The following DYNLT2 variants were observed in gnomAD, a reference collection of about 807,000 sequenced individuals.
DYNLT2 encodes the protein dynein light chain Tctex-type 2.
In DYNLT2, 24 loss-of-function variants were observed where a neutral mutation model predicts 24.3. That is an observed-to-expected ratio of 0.99 (90% CI 0.71 to 1.39). DYNLT2 has a LOEUF of 1.39. Among genes scored for constraint, DYNLT2 ranks in the 40% most tolerant of loss-of-function variants. DYNLT2 has a pLI of 0.00. For missense variants in DYNLT2, 246 were observed against 234.5 expected (o/e 1.05, Z -0.32); for synonymous variants, 85 against 85.4 (o/e 1.00, Z 0.03).
chr6:169,741,813 A>G (rs186813809), intron 3 of DYNLT2, among the ~76,000 whole-genome samples: 126 of 152,230 alleles, frequency 8.3e-4, no homozygotes, highest in Middle Eastern at 3.4e-3. Flanking sequence ...CTACTCTGTC[A>G]TATCCCTACC....
chr6:169,745,684 G>A (rs1158681409), intron 1 of DYNLT2, among the ~76,000 whole-genome samples: 1 of 152,002 alleles, frequency 6.6e-6, no homozygotes, highest in East Asian at 1.9e-4. Context: ...CTAGTATTTC[G>A]TTTAGAATTT....
chr6:169,749,566 G>T (rs578051080), intron 1 of DYNLT2: 1 of 152,350 alleles, frequency 6.6e-6, no homozygotes, highest in African/African-American at 2.4e-5. Context: ...AGCAGAGAAG[G>T]CTGATGAACC....
chr6:169,741,271 C>T (rs1304864430), intron 3 of DYNLT2, among the ~76,000 whole-genome samples: 4 of 152,178 alleles, frequency 2.6e-5, no homozygotes, highest in African/African-American at 9.7e-5. Flanking sequence ...TGCTCTCACA[C>T]TCGTGGAACA....
chr6:169,740,660 GT>G (rs756509744), intron 3 of DYNLT2, among the ~76,000 whole-genome samples: 3 of 152,090 alleles, frequency 2.0e-5, no homozygotes, highest in East Asian at 3.9e-4. Flanking sequence ...AGCCAAAGAG[GT>G]TTGTCAGGGC....
chr6:169,746,341 C>T (rs1789799925), intron 1 of DYNLT2, among the ~76,000 whole-genome samples: 1 of 152,026 alleles, frequency 6.6e-6, no homozygotes, highest in Non-Finnish European at 1.5e-5. Context: ...GCTCTTTCTT[C>T]TTTTCTAATA....
the DYNLT2 span, chr6:169,725,366 C>G: frequency 2.5e-6 from 1 of 398,532 alleles, no homozygotes. Flanking sequence ...TATTCTAGCG[C>G]GTCACATTGA....
chr6:169,728,438 G>A, the DYNLT2 span, among the ~76,000 whole-genome samples: 1 of 152,174 alleles, frequency 6.6e-6, no homozygotes, highest in Non-Finnish European at 1.5e-5. Flanking sequence ...GTCTAGAGGG[G>A]TAAAAGGCAA....
At chr6:169,730,630 C>T in the DYNLT2 span, among the ~76,000 whole-genome samples, 1 of 152,150 alleles carries the variant, frequency 6.6e-6, no homozygotes, top group Non-Finnish European at 1.5e-5. Flanking sequence ...CGCGGTGGCT[C>T]ACGCCTGTAA....
At chr6:169,727,628 A>G in the DYNLT2 span, among the ~76,000 whole-genome samples, 7 of 151,852 alleles carry the variant, frequency 4.6e-5, no homozygotes, top group African/African-American at 7.3e-5. Context: ...CAGTGGCCTG[A>G]TCTCGGCTCA....
At chr6:169,745,356 C>A (rs1789774162) in intron 1 of DYNLT2, among the ~76,000 whole-genome samples, 1 of 152,132 alleles carries the variant, frequency 6.6e-6, no homozygotes, top group Non-Finnish European at 1.5e-5. Context: ...CCTGCCTTGG[C>A]CTCCCAAAAT....
intron 1 of DYNLT2, among the ~76,000 whole-genome samples, chr6:169,748,542 A>C (rs561936593): frequency 2.0e-4 from 31 of 152,344 alleles, no homozygotes; most frequent in African/African-American, 7.0e-4. Context: ...TCACATAAAT[A>C]AATCTCTTCT....
chr6:169,725,341 G>A, the DYNLT2 span: 123 of 398,650 alleles, frequency 3.1e-4, no homozygotes, highest in African/African-American at 2.4e-3. Context: ...CAAAAGTTGG[G>A]AAAGATAAAG....
chr6:169,727,342 T>C, the DYNLT2 span, among the ~76,000 whole-genome samples: 1,410 of 152,242 alleles, frequency 9.3e-3, 18 homozygotes, highest in African/African-American at 0.032. Context: ...CATTAGCACA[T>C]GTTGGTATAC....
At chr6:169,728,705 C>G in the DYNLT2 span, among the ~76,000 whole-genome samples, 2 of 152,056 alleles carry the variant, frequency 1.3e-5, no homozygotes, top group African/African-American at 4.8e-5. Context: ...TAATTTAAAA[C>G]ATGAGAAACA....
intron 1 of DYNLT2, among the ~76,000 whole-genome samples, chr6:169,747,034 A>T (rs1048120460): frequency 1.3e-5 from 2 of 151,020 alleles, no homozygotes; most frequent in Non-Finnish European, 3.0e-5. Context: ...CATAGTAGGG[A>T]CTTTAAGGAA....
chr6:169,730,537 GA>G, the DYNLT2 span, among the ~76,000 whole-genome samples: 1 of 152,202 alleles, frequency 6.6e-6, no homozygotes, highest in Non-Finnish European at 1.5e-5. Context: ...TGCTTTTAAG[GA>G]AAGGAACTCA....
intron 3 of DYNLT2, among the ~76,000 whole-genome samples, chr6:169,742,195 T>C (rs1469192538): frequency 2.0e-5 from 3 of 152,220 alleles, no homozygotes; most frequent in African/African-American, 7.2e-5. Context: ...GTGATTATGT[T>C]AAGGATTTTA....
the DYNLT2 span, among the ~76,000 whole-genome samples, chr6:169,726,310 A>C: frequency 6.6e-6 from 1 of 150,512 alleles, no homozygotes; most frequent in Non-Finnish European, 1.5e-5. Context: ...ACAACTAGCA[A>C]CTAAAAAAAA....
At chr6:169,746,039 T>A (rs961006607) in intron 1 of DYNLT2, among the ~76,000 whole-genome samples, 1 of 152,340 alleles carries the variant, frequency 6.6e-6, no homozygotes, top group African/African-American at 2.4e-5. Flanking sequence ...TCATCTAGGT[T>A]ATCAAATTTC....
Sources: allele counts gnomAD v4.1 joint callset (sites outside exome capture counted in the v4.1 genomes callset), GRCh38; gene constraint gnomAD v4.1.1; transcripts MANE v1.5; gene names NCBI Gene and HGNC (gene_info 2026-07-23, HGNC 2026-07-21).